The following TRPM3 variants were observed in gnomAD, a reference collection of about 807,000 sequenced individuals.
The protein encoded by TRPM3 is long transient receptor potential channel 3.
A neutral mutation model predicts 181.2 loss-of-function variants in TRPM3; 77 were observed. The observed-to-expected ratio is 0.42, with a 90% CI of 0.35 to 0.51. The LOEUF (loss-of-function observed/expected upper bound fraction) is 0.51, where lower values mean the gene tolerates loss of function less well. TRPM3 is among the 20% of genes least tolerant of loss of function. The probability of loss-of-function intolerance (pLI) is 0.01; values close to 1 mark genes in which losing one functional copy is unlikely to be tolerated. For synonymous variants in TRPM3, 745 were observed against 796.4 expected (o/e 0.94, Z 1.09); for missense variants, 1,759 against 2,196.7 (o/e 0.80, Z 3.98).
At chr9:71,440,387 T>G (rs2094120099) in intron 1 of TRPM3, among the ~76,000 whole-genome samples, 1 of 152,226 alleles carries the variant, frequency 6.6e-6, no homozygotes, top group African/African-American at 2.4e-5. Context: ...CTCATCTAAC[T>G]TGTCTCCCAT....
At chr9:70,616,186 G>A in intron 17 of TRPM3, 111 bp from the exon 18 acceptor site, 2 of 731,858 alleles carry the variant, frequency 2.7e-6, no homozygotes, top group Non-Finnish European at 2.1e-6. Flanking sequence ...GTATGCGTGT[G>A]TGTGTGTACA....
At chr9:70,853,569 A>G (rs1705329395) in intron 3 of TRPM3, among the ~76,000 whole-genome samples, 1 of 152,240 alleles carries the variant, frequency 6.6e-6, no homozygotes, top group Non-Finnish European at 1.5e-5. Flanking sequence ...TGGAAGAATT[A>G]GTAAGGCCAC....
At chr9:71,393,072 G>A (rs1418097385) in intron 1 of TRPM3, among the ~76,000 whole-genome samples, 1 of 152,054 alleles carries the variant, frequency 6.6e-6, no homozygotes, top group Non-Finnish European at 1.5e-5. Context: ...GTTTCTAATT[G>A]GACAGTGAGA....
chr9:71,208,765 C>G (rs1217444380), intron 1 of TRPM3, among the ~76,000 whole-genome samples: 1 of 152,120 alleles, frequency 6.6e-6, no homozygotes, highest in African/African-American at 2.4e-5. Context: ...ATCATATCTG[C>G]TAAACTATAT....
chr9:70,830,311 A>G (rs1192336316), intron 5 of TRPM3, among the ~76,000 whole-genome samples: 1 of 152,240 alleles, frequency 6.6e-6, no homozygotes, highest in Non-Finnish European at 1.5e-5. Context: ...TAAAAGAAGA[A>G]AATTAAATAA....
At chr9:71,165,957 T>A (rs1012805349) in intron 1 of TRPM3, among the ~76,000 whole-genome samples, 7 of 152,144 alleles carry the variant, frequency 4.6e-5, no homozygotes, top group Admixed American at 4.6e-4. Context: ...GAGCAGCCTA[T>A]GTCAGCAGGT....
chr9:71,072,197 C>A (rs528409761), intron 1 of TRPM3, among the ~76,000 whole-genome samples: 1 of 152,224 alleles, frequency 6.6e-6, no homozygotes, highest in Admixed American at 6.5e-5. Context: ...TCATTGATGG[C>A]AAATTCTACA....
chr9:70,923,737 A>G (rs1053670630), intron 1 of TRPM3, among the ~76,000 whole-genome samples: 8 of 150,646 alleles, frequency 5.3e-5, no homozygotes, highest in African/African-American at 1.7e-4. Flanking sequence ...ATTCCTATTA[A>G]CTAGCTTATT....
At position 70,591,112 on chromosome 9, in the gene TRPM3, G is replaced by A; in HGVS notation, c.3142C>T (p.Pro1048Ser). 1 of 1,614,122 alleles carries A rather than the reference G, an allele frequency of 6.2e-7. No homozygotes were observed. The highest frequency in any genetic ancestry group is 8.5e-7 in the Non-Finnish European group (1 of 1,180,012). The change falls in exon 22 of 26, where the codon CCA becomes TCA. Residue 1048 changes from proline (P) to serine (S), a missense_variant. Physicochemically the swap from Pro to Ser is moderately conservative, Grantham distance 74. Transcript: ENST00000677713. ...ATGTTCTTGGCCAGTTTCCATGATGGCTCCTCATTGGGAAAAAGGATGGCT... is the reference window on the plus strand; with the variant it reads ...ATGTTCTTGGCCAGTTTCCATGATGACTCCTCATTGGGAAAAAGGATGGCT... Reference protein sequence around the residue: ...RQAILFPNEEPSWKLAKNIFY... With the variant: ...RQAILFPNEESSWKLAKNIFY...
At chr9:70,645,328 C>A (rs981633837) in intron 9 of TRPM3, among the ~76,000 whole-genome samples, 1 of 152,094 alleles carries the variant, frequency 6.6e-6, no homozygotes, top group East Asian at 1.9e-4. Flanking sequence ...GCTACAGTAA[C>A]CAAAACAGCA....
At chr9:70,971,943 A>T (rs7042956) in intron 1 of TRPM3, among the ~76,000 whole-genome samples, 43,683 of 151,766 alleles carry the variant, frequency 0.29, 6,253 homozygotes, top group East Asian at 0.36. Flanking sequence ...CACTAACAAT[A>T]GATGGTGAGG....
chr9:71,043,320 G>A (rs2059042832), intron 1 of TRPM3, among the ~76,000 whole-genome samples: 1 of 152,094 alleles, frequency 6.6e-6, no homozygotes, highest in Admixed American at 6.6e-5. Flanking sequence ...GGCAGTTTCT[G>A]GGAAGAAAAG....
intron 1 of TRPM3, among the ~76,000 whole-genome samples, chr9:71,306,831 C>CCACTG (rs2087386989): frequency 6.6e-6 from 1 of 152,178 alleles, no homozygotes; most frequent in Non-Finnish European, 1.5e-5. Context: ...CGAGATCGCG[C>CCACTG]CACTGCACTC....
At chr9:70,622,634 A>G (rs562051888) in intron 14 of TRPM3, among the ~76,000 whole-genome samples, 1 of 152,384 alleles carries the variant, frequency 6.6e-6, no homozygotes, top group South Asian at 2.1e-4. Flanking sequence ...AAGGCAACTC[A>G]GAAGAACACA....
intron 1 of TRPM3, among the ~76,000 whole-genome samples, chr9:71,265,688 C>T (rs1283668574): frequency 1.3e-5 from 2 of 152,146 alleles, no homozygotes; most frequent in Admixed American, 1.3e-4. Flanking sequence ...TATTCATAAG[C>T]CTATTATAAG....
chr9:70,654,104 T>G (rs1053214169), intron 9 of TRPM3, among the ~76,000 whole-genome samples: 1 of 151,944 alleles, frequency 6.6e-6, no homozygotes, highest in Admixed American at 6.6e-5. Flanking sequence ...AGTTGTTGTT[T>G]AAGGATCCTA....
intron 9 of TRPM3, among the ~76,000 whole-genome samples, chr9:70,671,813 G>A (rs2062989004): frequency 6.6e-6 from 1 of 152,094 alleles, no homozygotes; most frequent in African/African-American, 2.4e-5. Flanking sequence ...TGCCCAGGCT[G>A]GAGTGCAGTG....
At chr9:70,748,373 C>T (rs953617378) in intron 8 of TRPM3, among the ~76,000 whole-genome samples, 1 of 152,124 alleles carries the variant, frequency 6.6e-6, no homozygotes, top group Non-Finnish European at 1.5e-5. Flanking sequence ...TTTAGCTTCT[C>T]ATGTTGTATG....
intron 3 of TRPM3, among the ~76,000 whole-genome samples, chr9:70,858,096 C>T (rs1466476420): frequency 6.6e-6 from 1 of 152,144 alleles, no homozygotes; most frequent in Non-Finnish European, 1.5e-5. Context: ...TGCAGAGTGT[C>T]TCATATTATG....
Sources: gnomAD v4.1 joint callset for allele counts (sites outside exome capture counted in the v4.1 genomes callset) on GRCh38, gnomAD v4.1.1 for gene constraint, MANE v1.5 for transcripts, NCBI Gene and HGNC (gene_info 2026-07-23, HGNC 2026-07-21) for gene names.